The following RILPL1 variants were observed in gnomAD, a reference collection of about 807,000 sequenced individuals.
RILPL1 encodes the protein RILP-like protein 1.
RILPL1 carries 33 observed loss-of-function variants against 50.3 expected under a neutral mutation model. That is an observed-to-expected ratio of 0.66 (90% CI 0.50 to 0.88). The LOEUF is 0.88. Among genes scored for constraint, RILPL1 ranks in the 40% least tolerant of loss-of-function variants. The pLI, the probability that RILPL1 is intolerant of heterozygous loss-of-function variation, is 0.00. For synonymous variants in RILPL1, 205 were observed against 228.6 expected, an observed-to-expected ratio of 0.90 and a Z score of 0.93; for missense variants, 418 against 542.5, an observed-to-expected ratio of 0.77 and a Z score of 2.28.
chr12:123,530,506 T>C (rs1449005810), intron 1 of RILPL1, among the ~76,000 whole-genome samples: 1 of 152,198 alleles, frequency 6.6e-6, no homozygotes, highest in Non-Finnish European at 1.5e-5. Flanking sequence ...AGCTGCATAA[T>C]ATTTCTATGG....
intron 2 of RILPL1, among the ~76,000 whole-genome samples, chr12:123,504,405 A>C (rs1375165224): frequency 6.6e-6 from 1 of 152,072 alleles, no homozygotes; most frequent in East Asian, 1.9e-4. Flanking sequence ...ATGAACAAGC[A>C]TCCCTGGTGT....
chr12:123,472,519 G>T lies in RILPL1; in HGVS notation c.*19C>A, dbSNP rs763337872. ...CTGGTGGCGGGCAGTCCAGGTTGGAGGGTGGAGATGGGCCAAGGTCACAGA... is the reference window on the plus strand; with the variant it reads ...CTGGTGGCGGGCAGTCCAGGTTGGATGGTGGAGATGGGCCAAGGTCACAGA... On this transcript the variant is annotated 3_prime_UTR_variant, in exon 7 of 7. Coordinates refer to ENST00000376874, the MANE Select transcript of RILPL1 (RefSeq NM_178314.5). 2.3e-5 allele frequency: 36 copies of T among 1,550,214 alleles called. No individual in the cohort carries two copies. Among genetic ancestry groups the T allele is most frequent in the Non-Finnish European group, 3.1e-5 (36 of 1,146,954 alleles).
rs34062051 is a variant in RILPL1, at chr12:123,493,784, CTT to C, written c.801+4758_801+4759del. 8.0e-4 allele frequency among the ~76,000 whole-genome samples: 108 copies of C among 134,378 alleles called. 1 individual carries two copies. The highest frequency in any genetic ancestry group is 3.8e-3 in the Middle Eastern group (1 of 262). The allele number at this position is 134,378 out of a possible 152,430, so 88.2% of individuals were successfully genotyped here. On this transcript the variant is annotated intron_variant, in intron 4 of 6. Coordinates refer to ENST00000376874, the MANE Select transcript of RILPL1 (RefSeq NM_178314.5). ...CAAGATCTGTCCTGAGGCCCTGCCT[CTT>C]TTTTTTTTTTTTTTTTGAGATGAAG...
intron 1 of RILPL1, among the ~76,000 whole-genome samples, chr12:123,524,906 C>T (rs931966735): frequency 6.6e-6 from 1 of 151,964 alleles, no homozygotes; most frequent in Non-Finnish European, 1.5e-5. Flanking sequence ...CCAAGGCAGG[C>T]GGATCACTTG....
Position 123,520,220 on chromosome 12 carries a change from A to G in RILPL1, c.460+3275T>C, listed in dbSNP as rs1291227749. Among the ~76,000 whole-genome samples the G allele has an allele frequency of 2.6e-5, 4 of 152,356 alleles. No individual in the cohort carries two copies. The East Asian group carries it at 7.7e-4, about 29-fold the overall frequency. On this transcript the variant is annotated intron_variant, in intron 2 of 6. Coordinates refer to ENST00000376874, the MANE Select transcript of RILPL1 (RefSeq NM_178314.5). ...ATCCATAGATGAGTGGGCAAACGAC[A>G]TGCAGTATGGCCATAGAACGGAATA...
At chr12:123,507,953 GAAAAAA>G (rs56309765) in intron 2 of RILPL1, among the ~76,000 whole-genome samples, 2 of 115,012 alleles carry the variant, frequency 1.7e-5, no homozygotes, top group African/African-American at 6.4e-5. Context: ...AAAAAAAAAA[GAAAAAA>G]AAAAAAAAAA....
chr12:123,532,113 G>A (rs1414398065), intron 1 of RILPL1, among the ~76,000 whole-genome samples: 1 of 152,142 alleles, frequency 6.6e-6, no homozygotes, highest in Non-Finnish European at 1.5e-5. Context: ...ACACAATAAG[G>A]GATGGCCTGC....
chr12:123,510,404 G>A (rs1264491159), intron 2 of RILPL1, among the ~76,000 whole-genome samples: 1 of 151,610 alleles, frequency 6.6e-6, no homozygotes, highest in African/African-American at 2.4e-5. Flanking sequence ...GTCTGTGTGT[G>A]GTGTCAATGT....
At chr12:123,487,668 T>C (rs988734131) in intron 4 of RILPL1, among the ~76,000 whole-genome samples, 2 of 152,216 alleles carry the variant, frequency 1.3e-5, no homozygotes, top group African/African-American at 4.8e-5. Flanking sequence ...AGTGTGTTTA[T>C]CCATTCTTCA....
intron 3 of RILPL1, among the ~76,000 whole-genome samples, chr12:123,499,129 G>A (rs191924555): frequency 6.6e-6 from 1 of 152,330 alleles, no homozygotes; most frequent in African/African-American, 2.4e-5. Flanking sequence ...ATGAAGTGGT[G>A]GGGCTGGAGG....
At chr12:123,508,727 G>A (rs1356616231) in intron 2 of RILPL1, among the ~76,000 whole-genome samples, 1 of 152,110 alleles carries the variant, frequency 6.6e-6, no homozygotes, top group African/African-American at 2.4e-5. Flanking sequence ...GTTAAGGCCG[G>A]GCACAGTGGC....
intron 2 of RILPL1, among the ~76,000 whole-genome samples, chr12:123,517,422 T>C (rs551149419): frequency 9.8e-5 from 13 of 132,246 alleles, no homozygotes; most frequent in Middle Eastern, 4.2e-3. Flanking sequence ...TTTGTTGTTA[T>C]TGTTTTTTTT....
chr12:123,495,192 A>T (rs890074979), intron 4 of RILPL1, among the ~76,000 whole-genome samples: 3 of 152,088 alleles, frequency 2.0e-5, no homozygotes, highest in Non-Finnish European at 4.4e-5. Context: ...GTCAAATACT[A>T]GTGGCAACTG....
intron 2 of RILPL1, among the ~76,000 whole-genome samples, chr12:123,518,158 G>A (rs1884813282): frequency 6.6e-6 from 1 of 152,086 alleles, no homozygotes; most frequent in Non-Finnish European, 1.5e-5. Context: ...GGTGGTGGCG[G>A]CTGCACAAGA....
chr12:123,492,509 A>C (rs1219937948), intron 4 of RILPL1, among the ~76,000 whole-genome samples: 2 of 152,182 alleles, frequency 1.3e-5, no homozygotes, highest in Non-Finnish European at 2.9e-5. Flanking sequence ...TGAGGACACA[A>C]TAGCTGAAGT....
intron 4 of RILPL1, among the ~76,000 whole-genome samples, chr12:123,486,032 C>T (rs1334604246): frequency 6.6e-6 from 1 of 152,136 alleles, no homozygotes; most frequent in Non-Finnish European, 1.5e-5. Context: ...ATAGCCGAAC[C>T]CACGGACCCC....
chr12:123,473,838 CAAAAG>C (rs971245300), intron 6 of RILPL1: 8 of 104,584 alleles, frequency 7.6e-5, no homozygotes, highest in African/African-American at 2.1e-4. Context: ...AAGAAAAAAA[CAAAAG>C]AAAAAAAAAA....
At chr12:123,516,713 G>A (rs2139374661) in intron 2 of RILPL1, among the ~76,000 whole-genome samples, 1 of 152,262 alleles carries the variant, frequency 6.6e-6, no homozygotes, top group East Asian at 1.9e-4. Flanking sequence ...ATGAAGTCAT[G>A]GTGGATGAGG....
chr12:123,486,841 C>T (rs1391766228), intron 4 of RILPL1, among the ~76,000 whole-genome samples: 1 of 152,030 alleles, frequency 6.6e-6, no homozygotes, highest in African/African-American at 2.4e-5. Context: ...CTCTGTCACC[C>T]AGGCTGGAGT....
Sources: allele counts gnomAD v4.1 joint callset (sites outside exome capture counted in the v4.1 genomes callset), GRCh38; gene constraint gnomAD v4.1.1; transcripts MANE v1.5; gene names NCBI Gene and HGNC (gene_info 2026-07-23, HGNC 2026-07-21).